Variants in CAMTA1 observed in about 807,000 individuals in gnomAD.
CAMTA1 encodes calmodulin binding transcription activator 1, also known as calmodulin-binding transcription activator 1.
A neutral mutation model predicts 170.9 loss-of-function variants in CAMTA1; 27 were observed. The observed-to-expected ratio is 0.16, with a 90% CI of 0.12 to 0.22. CAMTA1 has a LOEUF of 0.22. CAMTA1 is among the 10% of genes least tolerant of loss of function. The probability of loss-of-function intolerance (pLI) is 1.00; values close to 1 mark genes in which losing one functional copy is unlikely to be tolerated. For missense variants in CAMTA1, 1,619 were observed against 2,217.2 expected, an observed-to-expected ratio of 0.73 and a Z score of 5.42; for synonymous variants, 833 against 891.5, an observed-to-expected ratio of 0.93 and a Z score of 1.17.
At chr1:7,122,133 C>T (rs559246724) in intron 4 of CAMTA1, among the ~76,000 whole-genome samples, 23 of 152,076 alleles carry the variant, frequency 1.5e-4, no homozygotes, top group South Asian at 2.1e-4. Flanking sequence ...GTACTGTGCA[C>T]GCTCCTCTCG....
chr1:7,542,869 GTGTGTGTGTGTT>G (rs1441784342), intron 6 of CAMTA1, among the ~76,000 whole-genome samples: 3 of 143,628 alleles, frequency 2.1e-5, no homozygotes, highest in African/African-American at 7.8e-5. Context: ...GTGTGTGTGT[GTGTGTGTGTGTT>G]TGAGCCGGAG....
At chr1:7,271,583 G>T (rs572577889) in intron 5 of CAMTA1, among the ~76,000 whole-genome samples, 11 of 120,262 alleles carry the variant, frequency 9.1e-5, no homozygotes, top group Non-Finnish European at 1.7e-4. Flanking sequence ...TAGATAGATA[G>T]ATAGATAGAT....
chr1:7,513,573 C>T (rs1271453912), intron 6 of CAMTA1, among the ~76,000 whole-genome samples: 1 of 152,138 alleles, frequency 6.6e-6, no homozygotes, highest in Non-Finnish European at 1.5e-5. Context: ...CACTCTGACC[C>T]CTGCCTTCAT....
At chr1:6,957,882 G>A (rs1689730335) in intron 3 of CAMTA1, among the ~76,000 whole-genome samples, 1 of 152,200 alleles carries the variant, frequency 6.6e-6, no homozygotes, top group Non-Finnish European at 1.5e-5. Context: ...TGTGCCCTCT[G>A]AGCTGGGCAC....
rs776781439 is a variant in CAMTA1 at position 7,249,643 on chromosome 1, G to T, written c.438+17G>T. On this transcript the variant is annotated intron_variant, in intron 5 of 22. Coordinates refer to ENST00000303635, the MANE Select transcript of CAMTA1 (RefSeq NM_015215.4). The surrounding 1 kb of genome is among the most constrained non-coding windows in gnomAD (Gnocchi z 4.4). ...GGAGTGGAGGTAAACAGCAGAAAAG[G>T]TTCCCTTGGTGCACAAATGTCATTT... is the stretch of plus-strand genomic sequence containing the variant. 4 of 1,611,996 alleles carry T rather than the reference G, an allele frequency of 2.5e-6. No homozygotes were observed. The highest frequency in any genetic ancestry group is 1.7e-4 in the Middle Eastern group (1 of 6,054).
intron 6 of CAMTA1, among the ~76,000 whole-genome samples, chr1:7,493,060 C>CGT (rs1334647994): frequency 7.9e-5 from 7 of 88,400 alleles, no homozygotes; most frequent in African/African-American, 3.7e-4. Flanking sequence ...CATACACACG[C>CGT]GCGCACACAC....
intron 4 of CAMTA1, among the ~76,000 whole-genome samples, chr1:7,124,806 G>A (rs904227710): frequency 3.3e-5 from 5 of 152,134 alleles, no homozygotes; most frequent in Admixed American, 1.3e-4. Context: ...ATTTAACGTC[G>A]CCCTCCCCAA....
At chr1:7,026,623 G>A (rs1024906312) in intron 3 of CAMTA1, among the ~76,000 whole-genome samples, 1 of 149,942 alleles carries the variant, frequency 6.7e-6, no homozygotes, top group African/African-American at 2.5e-5. Flanking sequence ...GGGCTGGGAG[G>A]ATGGGTGGCT....
chr1:7,493,286 C>CAA (rs199823181), intron 6 of CAMTA1, among the ~76,000 whole-genome samples: 11,413 of 91,976 alleles, frequency 0.12, 954 homozygotes, highest in East Asian at 0.55. Context: ...CATACACGCG[C>CAA]ACAAACACAA....
At chr1:7,038,775 C>T (rs1447163703) in intron 3 of CAMTA1, among the ~76,000 whole-genome samples, 4 of 152,194 alleles carry the variant, frequency 2.6e-5, no homozygotes, top group African/African-American at 9.6e-5. Context: ...CGTGGTGGCT[C>T]ACGCCTGTAA....
At chr1:7,425,283 G>A (rs957602428) in intron 5 of CAMTA1, among the ~76,000 whole-genome samples, 4 of 152,176 alleles carry the variant, frequency 2.6e-5, no homozygotes, top group African/African-American at 9.7e-5. Context: ...GAGGCTTGCA[G>A]GTGGCCCTTC....
At chr1:7,648,391 CAAA>C (rs553719319) in intron 7 of CAMTA1, among the ~76,000 whole-genome samples, 1 of 112,742 alleles carries the variant, frequency 8.9e-6, no homozygotes, top group Admixed American at 9.3e-5. Flanking sequence ...GACTCCACCT[CAAA>C]AAAAAAAAAA....
At chr1:7,710,259 T>C (rs1316976577) in intron 11 of CAMTA1, among the ~76,000 whole-genome samples, 2 of 152,166 alleles carry the variant, frequency 1.3e-5, no homozygotes, top group Non-Finnish European at 2.9e-5. Flanking sequence ...GTAGATAAAT[T>C]CTAATGCTGC....
intron 5 of CAMTA1, among the ~76,000 whole-genome samples, chr1:7,277,504 A>ACTCATT (rs555549511): frequency 5.6e-5 from 8 of 141,638 alleles, no homozygotes; most frequent in Non-Finnish European, 7.6e-5. Context: ...AGAGAGAGAG[A>ACTCATT]CTCATTCTCA....
intron 1 of CAMTA1, among the ~76,000 whole-genome samples, chr1:6,805,694 C>T (rs1407367812): frequency 1.3e-5 from 2 of 152,026 alleles, no homozygotes; most frequent in Non-Finnish European, 2.9e-5. Flanking sequence ...TTAATAGAAA[C>T]GGAGTCTCTA....
rs1666165957 is a variant in CAMTA1 at position 7,248,467 on chromosome 1, G to T, written c.303-1024G>T. On this transcript the variant is annotated intron_variant, in intron 4 of 22. Coordinates refer to ENST00000303635, the MANE Select transcript of CAMTA1 (RefSeq NM_015215.4). This position sits in a 1 kb window ranked among gnomAD's most constrained non-coding sequence, Gnocchi z 4.0. The stretch of plus-strand genomic sequence containing the variant: ...TCGCTGGCATTCCTCTTCCCCTGCT[G>T]CACGTTCAGGTGCAGAGTGGTGCAG... Among the ~76,000 whole-genome samples, 1 of 152,216 alleles carries T rather than the reference G, an allele frequency of 6.6e-6. No homozygotes were observed. The highest frequency in any genetic ancestry group is 2.4e-5 in the African/African-American group (1 of 41,454).
At chr1:7,366,520 C>G (rs1019025062) in intron 5 of CAMTA1, among the ~76,000 whole-genome samples, 3 of 152,236 alleles carry the variant, frequency 2.0e-5, no homozygotes, top group Non-Finnish European at 4.4e-5. Context: ...TATTTACAAC[C>G]ACCAGGGCCA....
chr1:6,869,854 T>C (rs932050198), intron 3 of CAMTA1, among the ~76,000 whole-genome samples: 16 of 152,198 alleles, frequency 1.1e-4, no homozygotes, highest in African/African-American at 3.9e-4. Flanking sequence ...GGTAGTCTGG[T>C]GTCTGAAACT....
intron 5 of CAMTA1, among the ~76,000 whole-genome samples, chr1:7,304,150 A>G (rs1057003934): frequency 2.0e-5 from 3 of 152,186 alleles, no homozygotes; most frequent in African/African-American, 7.2e-5. Flanking sequence ...AGTGGCAATG[A>G]TTGCACAACA....
Sources: gnomAD v4.1 joint callset for allele counts (sites outside exome capture counted in the v4.1 genomes callset) on GRCh38, gnomAD v4.1.1 for gene constraint, Gnocchi (gnomAD v3.1) non-coding constraint, MANE v1.5 for transcripts, NCBI Gene and HGNC (gene_info 2026-07-23, HGNC 2026-07-21) for gene names.